The following SEPTIN9 variants were observed in gnomAD, a reference collection of about 807,000 sequenced individuals.
SEPTIN9 encodes septin 9.
In SEPTIN9, 13 loss-of-function variants were observed where a neutral mutation model predicts 56.6. That is an observed-to-expected ratio of 0.23 (90% confidence interval 0.15 to 0.37). SEPTIN9 has a LOEUF of 0.37. Among genes scored for constraint, SEPTIN9 ranks in the 10% least tolerant of loss-of-function variants. The pLI, the probability that SEPTIN9 is intolerant of heterozygous loss-of-function variation, is 1.00. For synonymous variants in SEPTIN9, 332 were observed against 334.1 expected (o/e 0.99, Z 0.07); for missense variants, 650 against 823.1 (o/e 0.79, Z 2.57).
chr17:77,337,562 T>C (rs921565509), intron 2 of SEPTIN9, among the ~76,000 whole-genome samples: 3 of 152,214 alleles, frequency 2.0e-5, no homozygotes, highest in African/African-American at 7.2e-5. Context: ...TGTGTTTTCA[T>C]AAGGTTGATG....
intron 3 of SEPTIN9, among the ~76,000 whole-genome samples, chr17:77,459,355 C>G (rs1490647045): frequency 2.0e-5 from 3 of 152,236 alleles, no homozygotes; most frequent in Non-Finnish European, 2.9e-5. Context: ...CTCGCACATT[C>G]ACCCAGCAGT....
chr17:77,399,419 A>G (rs2035831716), intron 2 of SEPTIN9, among the ~76,000 whole-genome samples: 1 of 152,160 alleles, frequency 6.6e-6, no homozygotes, highest in East Asian at 1.9e-4. Context: ...CAGCACCCAT[A>G]GGACAGAGGC....
intron 2 of SEPTIN9, chr17:77,320,184 A>T (rs1458501973): frequency 1.3e-6 from 2 of 1,578,196 alleles, no homozygotes; most frequent in African/African-American, 2.7e-5. Context: ...GATTGAAGAA[A>T]TTAGACCAGA....
intron 1 of SEPTIN9, chr17:77,288,037 G>A (rs1488099751): frequency 1.9e-6 from 2 of 1,062,550 alleles, no homozygotes; most frequent in Non-Finnish European, 2.3e-6. Context: ...TGCCCTGAGT[G>A]TGTGGGTCCC....
At chr17:77,464,193 C>T (rs1004360009) in intron 3 of SEPTIN9, among the ~76,000 whole-genome samples, 1 of 152,014 alleles carries the variant, frequency 6.6e-6, no homozygotes, top group East Asian at 1.9e-4. Context: ...CCAGTCTTAG[C>T]CTCCTGAGTT....
chr17:77,339,038 C>G (rs959796440), intron 2 of SEPTIN9, among the ~76,000 whole-genome samples: 3 of 152,216 alleles, frequency 2.0e-5, no homozygotes, highest in African/African-American at 7.2e-5. Context: ...GCAATCCAGT[C>G]CCATCTCCAG....
At chr17:77,355,851 G>A (rs1199880120) in intron 2 of SEPTIN9, among the ~76,000 whole-genome samples, 1 of 151,280 alleles carries the variant, frequency 6.6e-6, no homozygotes, top group African/African-American at 2.4e-5. Context: ...GCGTGGTGGC[G>A]GGTGCCTGTA....
In SEPTIN9 at chr17:77,355,083, A is replaced by G. The variant is rs1330514623; in HGVS notation, c.77-46976A>G. 2.0e-5 allele frequency among the ~76,000 whole-genome samples: 3 copies of G among 152,234 alleles called. No individual in the cohort carries two copies. In the East Asian group the frequency reaches 5.8e-4, roughly 29 times the overall value. On this transcript the variant is annotated intron_variant, in intron 2 of 11. Transcript: ENST00000427177. ...TTTCTACGTGCCGATTATTTGGATG[A>G]TCTGTGCAGCTTAGCTCGTTGTAGT...
intron 2 of SEPTIN9, among the ~76,000 whole-genome samples, chr17:77,396,520 C>T (rs932837145): frequency 2.6e-5 from 4 of 152,152 alleles, no homozygotes; most frequent in Non-Finnish European, 5.9e-5. Flanking sequence ...CCTGCTACCC[C>T]TGGGCAGGTT....
chr17:77,396,562 G>A (rs75272596), intron 2 of SEPTIN9, among the ~76,000 whole-genome samples: 2,776 of 148,966 alleles, frequency 0.019, 94 homozygotes, highest in African/African-American at 0.067. Flanking sequence ...TGGTGGCAGG[G>A]GGCTTCCCAG....
chr17:77,419,150 C>T (rs1598345119), intron 3 of SEPTIN9, among the ~76,000 whole-genome samples: 2 of 152,220 alleles, frequency 1.3e-5, no homozygotes, highest in African/African-American at 2.4e-5. Flanking sequence ...GTGGGAACCC[C>T]CGAGGGGAGG....
intron 2 of SEPTIN9, chr17:77,373,752 TA>T: frequency 1.9e-6 from 2 of 1,069,316 alleles, no homozygotes; most frequent in Non-Finnish European, 2.5e-6. Context: ...GGGACCCTGT[TA>T]GGGGCACCCG....
rs1270058538 is a variant in SEPTIN9 at position 77,402,427 on chromosome 17, A to T, written c.445A>T (p.Arg149Trp). The change falls in exon 3 of 12, where the codon AGG becomes TGG. Residue 149 changes from arginine to tryptophan, a missense_variant. Arg to Trp is a moderately radical substitution (Grantham distance 101). Transcript: ENST00000427177. This position sits in a 1 kb window ranked among gnomAD's most constrained non-coding sequence, Gnocchi z 6.6. The part of the protein sequence containing the change: ...GHKTPEPAPR[R>W]TEITIVKPQE... Reference sequence around the variant, plus strand: ...CAAGACGCCAGAACCGGCCCCTCGGAGGACGGAGATCACCATCGTCAAACC... The same window carrying T: ...CAAGACGCCAGAACCGGCCCCTCGGTGGACGGAGATCACCATCGTCAAACC... 1 of 1,610,806 alleles carries T rather than the reference A, an allele frequency of 6.2e-7. No individual in the cohort carries two copies. The highest frequency in any genetic ancestry group is 1.7e-5 in the Admixed American group (1 of 59,726).
intron 7 of SEPTIN9, among the ~76,000 whole-genome samples, chr17:77,489,977 C>T (rs569850209): frequency 2.0e-5 from 3 of 152,286 alleles, no homozygotes; most frequent in East Asian, 1.9e-4. Flanking sequence ...CTGGGCAAGC[C>T]GAGGGCGGGC....
At chr17:77,348,124 C>T (rs970000341) in intron 2 of SEPTIN9, among the ~76,000 whole-genome samples, 1 of 152,052 alleles carries the variant, frequency 6.6e-6, no homozygotes. Context: ...TTCATTCTGA[C>T]AGCCTCCGCC....
chr17:77,454,168 G>C, intron 3 of SEPTIN9: 1 of 985,628 alleles, frequency 1.0e-6, no homozygotes, highest in Non-Finnish European at 1.2e-6. Flanking sequence ...TTAACACAGA[G>C]CATCGATACC....
At chr17:77,497,086 G>C in intron 10 of SEPTIN9, 1 of 619,912 alleles carries the variant, frequency 1.6e-6, no homozygotes, top group South Asian at 1.8e-5. Context: ...GAGCTGAGCT[G>C]TCCAGGAGCA....
In SEPTIN9 at chr17:77,477,286, C is replaced by T. The variant is rs377346157; in HGVS notation, c.722-4858C>T. On this transcript the variant is annotated intron_variant, in intron 3 of 11. Transcript: ENST00000427177. ...ACGTTTTCCTCACCCCAAAAGGAAA[C>T]GCCATCCTCGGTACACAGTCACTCC... is the stretch of plus-strand genomic sequence containing the variant. Among the ~76,000 whole-genome samples the T allele has an allele frequency of 8.5e-5, 13 of 152,246 alleles. No homozygotes were observed. The South Asian group carries it at 1.2e-3, about 15-fold the overall frequency.
intron 2 of SEPTIN9, among the ~76,000 whole-genome samples, chr17:77,370,593 C>A (rs11868951): frequency 4.6e-5 from 7 of 152,314 alleles, no homozygotes; most frequent in African/African-American, 1.4e-4. Flanking sequence ...TTTGGCCAGG[C>A]CTGCAGTCGG....
Sources: gnomAD v4.1 joint callset for allele counts (sites outside exome capture counted in the v4.1 genomes callset) on GRCh38, gnomAD v4.1.1 for gene constraint, Gnocchi (gnomAD v3.1) non-coding constraint, MANE v1.5 for transcripts, NCBI Gene and HGNC (gene_info 2026-07-23, HGNC 2026-07-21) for gene names.